GRM8: variants seen among roughly 807,000 people sequenced by gnomAD.
GRM8 encodes metabotropic glutamate receptor 8.
GRM8 carries 47 observed loss-of-function variants against 87.2 expected under a neutral mutation model. The ratio of observed to expected loss-of-function variants is 0.54; its 90% CI spans 0.43 to 0.69. The LOEUF (loss-of-function observed/expected upper bound fraction) is 0.69, where lower values mean the gene tolerates loss of function less well. Ranked by LOEUF, GRM8 falls within the 30% of genes least tolerant of loss-of-function variation. GRM8 has a pLI of 0.00. For synonymous variants in GRM8, 396 were observed against 404.5 expected, an observed-to-expected ratio of 0.98 and a Z score of 0.25; for missense variants, 1,019 against 1,139.2, an observed-to-expected ratio of 0.89 and a Z score of 1.52.
intron 2 of GRM8, among the ~76,000 whole-genome samples, chr7:127,119,398 A>G (rs1425924644): frequency 1.3e-5 from 2 of 152,204 alleles, no homozygotes; most frequent in East Asian, 3.9e-4. Context: ...AGGTATGAGA[A>G]TCACTTGAAC....
intron 2 of GRM8, among the ~76,000 whole-genome samples, chr7:127,212,367 A>G (rs1010824130): frequency 6.6e-6 from 1 of 151,610 alleles, no homozygotes; most frequent in African/African-American, 2.4e-5. Context: ...ACAGCCTGAT[A>G]ATACAGCTTT....
chr7:126,490,859 C>T (rs776662172), intron 9 of GRM8, among the ~76,000 whole-genome samples: 6 of 152,010 alleles, frequency 3.9e-5, no homozygotes, highest in Non-Finnish European at 5.9e-5. Context: ...TCCTAGTAGC[C>T]TCCCATTTTA....
At chr7:127,250,314 T>C (rs1441509480) in intron 1 of GRM8, among the ~76,000 whole-genome samples, 1 of 152,228 alleles carries the variant, frequency 6.6e-6, no homozygotes, top group African/African-American at 2.4e-5. Context: ...TCCTTTTGGA[T>C]GTAGATGTTT....
At chr7:127,193,266 A>C (rs1336013429) in intron 2 of GRM8, among the ~76,000 whole-genome samples, 3 of 152,222 alleles carry the variant, frequency 2.0e-5, no homozygotes, top group East Asian at 3.8e-4. Context: ...ATCATCATAC[A>C]TACAACCTTC....
intron 2 of GRM8, among the ~76,000 whole-genome samples, chr7:127,222,599 G>T (rs1285858366): frequency 6.6e-6 from 1 of 152,184 alleles, no homozygotes; most frequent in Non-Finnish European, 1.5e-5. Context: ...TAGAAAATGA[G>T]TTTGCACTGG....
chr7:126,940,422 C>T (rs1428250422), intron 3 of GRM8, among the ~76,000 whole-genome samples: 1 of 152,096 alleles, frequency 6.6e-6, no homozygotes. Flanking sequence ...GCTTCCATTC[C>T]CTAATGCCAT....
At chr7:127,190,088 T>C (rs555110964) in intron 2 of GRM8, among the ~76,000 whole-genome samples, 1 of 152,300 alleles carries the variant, frequency 6.6e-6, no homozygotes, top group East Asian at 1.9e-4. Context: ...TTAGCTGATA[T>C]CAGCTGGCCT....
intron 6 of GRM8, among the ~76,000 whole-genome samples, chr7:126,857,947 T>TA (rs1356177543): frequency 6.6e-6 from 1 of 151,686 alleles, no homozygotes; most frequent in Non-Finnish European, 1.5e-5. Flanking sequence ...AGAACCTGTC[T>TA]AAAGAAGGGG....
chr7:127,128,449 C>T (rs1827497130), intron 2 of GRM8, among the ~76,000 whole-genome samples: 1 of 152,086 alleles, frequency 6.6e-6, no homozygotes, highest in South Asian at 2.1e-4. Flanking sequence ...TACAGCCTGG[C>T]AGCTATCCAC....
At chr7:127,168,883 T>C (rs1016487623) in intron 2 of GRM8, among the ~76,000 whole-genome samples, 1 of 151,676 alleles carries the variant, frequency 6.6e-6, no homozygotes, top group Non-Finnish European at 1.5e-5. Context: ...AGGGGAGGGA[T>C]AGCATTAGGA....
intron 6 of GRM8, among the ~76,000 whole-genome samples, chr7:126,863,783 T>G (rs1798350346): frequency 6.6e-6 from 1 of 152,158 alleles, no homozygotes; most frequent in Non-Finnish European, 1.5e-5. Flanking sequence ...ATTCATCTTA[T>G]TTTGTTAATG....
intron 6 of GRM8, among the ~76,000 whole-genome samples, chr7:126,833,283 C>A (rs1377195847): frequency 1.3e-5 from 2 of 152,140 alleles, no homozygotes; most frequent in Non-Finnish European, 2.9e-5. Context: ...AAAATTTAGA[C>A]AACTATTTGC....
rs146753354 is a variant in GRM8, at chr7:127,152,088, C to A, written c.511-45376G>T. Among the ~76,000 whole-genome samples, 73 of 152,058 alleles carry A rather than the reference C, an allele frequency of 4.8e-4. No homozygotes were observed. The East Asian group carries it at 0.014, about 29-fold the overall frequency. ...TCCTGCCACCTTAGGGAAAAGTGAA[C>A]AAAGAGTAGAGAAACTACAGAGACA... On this transcript the variant is annotated intron_variant, in intron 2 of 10. Transcript: ENST00000339582.
Position 127,222,977 on chromosome 7 carries a change from G to A in GRM8, c.510+19718C>T, listed in dbSNP as rs569216562. Reference sequence around the variant, plus strand: ...CAAGAATTAATGGACGTTCTCAAAAGTACACCCTGTTCTCTGACCTTGAGA... The same window carrying A: ...CAAGAATTAATGGACGTTCTCAAAAATACACCCTGTTCTCTGACCTTGAGA... On this transcript the variant is annotated intron_variant, in intron 2 of 10. Coordinates refer to ENST00000339582, the MANE Select transcript of GRM8 (RefSeq NM_000845.3). Among the ~76,000 whole-genome samples, 25 of 152,230 alleles carry A rather than the reference G, an allele frequency of 1.6e-4. No homozygotes were observed. The East Asian group carries it at 4.5e-3, about 27-fold the overall frequency.
At chr7:126,776,148 T>C (rs1009170418) in intron 6 of GRM8, among the ~76,000 whole-genome samples, 2 of 152,174 alleles carry the variant, frequency 1.3e-5, no homozygotes, top group Admixed American at 1.3e-4. Context: ...TGATCAATAT[T>C]TAAAATTATT....
intron 3 of GRM8, among the ~76,000 whole-genome samples, chr7:126,996,185 G>A (rs1293262700): frequency 6.6e-6 from 1 of 152,006 alleles, no homozygotes; most frequent in East Asian, 1.9e-4. Flanking sequence ...TACCAGACCT[G>A]CCCTAAAAGA....
chr7:127,105,794 GTTGTTCCTTTGTT>G (rs1825750158), intron 3 of GRM8, among the ~76,000 whole-genome samples: 4 of 152,132 alleles, frequency 2.6e-5, no homozygotes, highest in Admixed American at 6.5e-5. Context: ...TGTGCTCTAA[GTTGTTCCTTTGTT>G]TTGCTCTGTG....
At chr7:127,104,854 A>G (rs1445291297) in intron 3 of GRM8, among the ~76,000 whole-genome samples, 2 of 152,242 alleles carry the variant, frequency 1.3e-5, no homozygotes, top group Admixed American at 1.3e-4. Flanking sequence ...TTTAGTCAAA[A>G]GAATAAAACT....
intron 8 of GRM8, among the ~76,000 whole-genome samples, chr7:126,590,632 T>G (rs549116593): frequency 6.6e-6 from 1 of 152,102 alleles, no homozygotes; most frequent in African/African-American, 2.4e-5. Flanking sequence ...AAAAGTGCCA[T>G]GTAACCTGTA....
Sources: gnomAD v4.1 joint callset for allele counts (sites outside exome capture counted in the v4.1 genomes callset) on GRCh38, gnomAD v4.1.1 for gene constraint, MANE v1.5 for transcripts, NCBI Gene and HGNC (gene_info 2026-07-23, HGNC 2026-07-21) for gene names.